Variants in ERBB4 observed in about 807,000 individuals in gnomAD.
ERBB4 encodes the protein receptor tyrosine-protein kinase erbB-4.
Under a neutral mutation model 158.0 loss-of-function variants are expected in ERBB4, and 42 were observed. The observed-to-expected ratio is 0.27, with a 90% confidence interval of 0.21 to 0.34. ERBB4 has a LOEUF of 0.34. Ranked by LOEUF, ERBB4 falls within the 10% of genes least tolerant of loss-of-function variation. ERBB4 has a pLI of 1.00. For synonymous variants in ERBB4, 583 were observed against 558.7 expected, an observed-to-expected ratio of 1.04 and a Z score of -0.61; for missense variants, 1,333 against 1,624.1, an observed-to-expected ratio of 0.82 and a Z score of 3.08.
At chr2:211,952,839 T>A (rs1304962728) in intron 2 of ERBB4, among the ~76,000 whole-genome samples, 1 of 151,956 alleles carries the variant, frequency 6.6e-6, no homozygotes, top group Non-Finnish European at 1.5e-5. Context: ...TCTCTGATAA[T>A]AGCCAGGCAG....
At chr2:211,688,978 G>T (rs2371279) in intron 12 of ERBB4, among the ~76,000 whole-genome samples, 42,325 of 151,878 alleles carry the variant, frequency 0.28, 7,476 homozygotes, top group East Asian at 0.9. Context: ...TTATTAAAAT[G>T]AAATATCATA....
intron 16 of ERBB4, among the ~76,000 whole-genome samples, chr2:211,639,720 G>T (rs539671823): frequency 1.3e-5 from 2 of 152,002 alleles, no homozygotes; most frequent in South Asian, 4.1e-4. Context: ...ATTTTCAGAG[G>T]GTTTGCAAAC....
At chr2:211,710,770 C>T (rs1232582709) in intron 9 of ERBB4, among the ~76,000 whole-genome samples, 1 of 152,088 alleles carries the variant, frequency 6.6e-6, no homozygotes, top group Non-Finnish European at 1.5e-5. Flanking sequence ...TTTCCCTACA[C>T]AAACTGTCTC....
chr2:212,314,801 A>T (rs1346628119), intron 1 of ERBB4, among the ~76,000 whole-genome samples: 1 of 151,192 alleles, frequency 6.6e-6, no homozygotes, highest in Non-Finnish European at 1.5e-5. Flanking sequence ...TTCATTTACT[A>T]TTCTACTCTT....
intron 19 of ERBB4, among the ~76,000 whole-genome samples, chr2:211,593,196 G>A (rs759586945): frequency 6.6e-5 from 10 of 152,100 alleles, no homozygotes; most frequent in Non-Finnish European, 1.0e-4. Context: ...AGTTACTGAC[G>A]ATGGAACAAG....
chr2:211,885,117 T>G (rs954890866), intron 3 of ERBB4, among the ~76,000 whole-genome samples: 1 of 152,166 alleles, frequency 6.6e-6, no homozygotes, highest in Non-Finnish European at 1.5e-5. Context: ...ATATTTAAAA[T>G]TAAAACTTTT....
rs1679208305 is a variant in ERBB4 at position 211,383,684 on chromosome 2, A to T, written c.3858T>A (p.Ser1286=). 6.2e-7 allele frequency: 1 copy of T among 1,614,072 alleles called. No individual in the cohort carries two copies. Among genetic ancestry groups the T allele is most frequent in the Admixed American group, 1.7e-5 (1 of 60,020 alleles). The change falls in exon 28 of 28, where the codon TCT becomes TCA. Residue 1286 remains serine (S), a synonymous_variant. Transcript: ENST00000342788. ...CAGTGCCTGGCTTCAGGGAGAACTC[A>T]GAGAGGTATTCAGGATTCTCTGCCA... ...PIVAENPEYL[S]EFSLKPGTVL...
chr2:212,396,786 G>A (rs2091038106), intron 1 of ERBB4, among the ~76,000 whole-genome samples: 1 of 152,018 alleles, frequency 6.6e-6, no homozygotes, highest in South Asian at 2.1e-4. Flanking sequence ...CTTAAAAGAA[G>A]TTCTTTAAAC....
At chr2:212,021,009 G>A (rs556701693) in intron 2 of ERBB4, among the ~76,000 whole-genome samples, 1 of 152,086 alleles carries the variant, frequency 6.6e-6, no homozygotes, top group Non-Finnish European at 1.5e-5. Flanking sequence ...AGAATAGACA[G>A]ATCCATATAC....
chr2:212,538,489 G>A lies in ERBB4; in HGVS notation c.42C>T (p.Leu14=), dbSNP rs757202950. 3.7e-6 allele frequency: 6 copies of A among 1,614,088 alleles called. No homozygotes were observed. In the Admixed American group the frequency reaches 8.3e-5, roughly 22 times the overall value. ...TGGGCTGGACGGTCCCCGCCGCCACGAGAAGGCTCACCCAGACCCAAAGTC... is the reference window on the plus strand; with the variant it reads ...TGGGCTGGACGGTCCCCGCCGCCACAAGAAGGCTCACCCAGACCCAAAGTC... ...ATGLWVWVSL[L]VAAGTVQPSD... The change falls in exon 1 of 28, where the codon CTC becomes CTT. Residue 14 remains leucine (L), a synonymous_variant. Coordinates refer to ENST00000342788, the MANE Select transcript of ERBB4 (RefSeq NM_005235.3).
chr2:211,952,198 A>T (rs921751646), intron 2 of ERBB4, among the ~76,000 whole-genome samples: 3 of 152,082 alleles, frequency 2.0e-5, no homozygotes, highest in Non-Finnish European at 2.9e-5. Context: ...ACATTCTCTC[A>T]GGTATTCCTA....
intron 1 of ERBB4, among the ~76,000 whole-genome samples, chr2:212,245,908 G>A (rs2084290744): frequency 1.3e-5 from 2 of 152,130 alleles, no homozygotes; most frequent in South Asian, 4.1e-4. Context: ...CAGGGATAAT[G>A]TATTTTAAAT....
At chr2:211,755,732 T>G (rs2075274874) in intron 4 of ERBB4, among the ~76,000 whole-genome samples, 1 of 152,220 alleles carries the variant, frequency 6.6e-6, no homozygotes, top group Admixed American at 6.5e-5. Flanking sequence ...GCATTTATGT[T>G]TTTAAGAGTC....
chr2:212,290,592 C>T (rs2086168314), intron 1 of ERBB4, among the ~76,000 whole-genome samples: 1 of 152,044 alleles, frequency 6.6e-6, no homozygotes, highest in South Asian at 2.1e-4. Context: ...TTTTCTAGTG[C>T]AATGCATTTT....
At chr2:211,660,235 T>C (rs969805411) in intron 15 of ERBB4, among the ~76,000 whole-genome samples, 12 of 152,200 alleles carry the variant, frequency 7.9e-5, no homozygotes, top group African/African-American at 2.9e-4. Flanking sequence ...GTATTTTCAG[T>C]AAATCTCCTA....
chr2:211,691,123 T>C (rs1349539660), intron 12 of ERBB4, among the ~76,000 whole-genome samples: 3 of 152,070 alleles, frequency 2.0e-5, no homozygotes, highest in Non-Finnish European at 4.4e-5. Context: ...ATTGTTCATC[T>C]TTTTTTTAAA....
intron 1 of ERBB4, among the ~76,000 whole-genome samples, chr2:212,494,062 T>C (rs1399209687): frequency 1.3e-5 from 2 of 151,900 alleles, no homozygotes; most frequent in Non-Finnish European, 2.9e-5. Flanking sequence ...CCAGTATAAC[T>C]ATTATATGTA....
intron 12 of ERBB4, among the ~76,000 whole-genome samples, chr2:211,690,924 A>G (rs1386903791): frequency 6.6e-6 from 1 of 152,154 alleles, no homozygotes; most frequent in Non-Finnish European, 1.5e-5. Context: ...TCTTTATCTC[A>G]TCTGAATTCC....
At chr2:211,551,002 G>T (rs1347242752) in intron 20 of ERBB4, among the ~76,000 whole-genome samples, 1 of 151,322 alleles carries the variant, frequency 6.6e-6, no homozygotes, top group Non-Finnish European at 1.5e-5. Context: ...GTGCAGTGGT[G>T]CAATCACACA....
Sources: allele counts gnomAD v4.1 joint callset (sites outside exome capture counted in the v4.1 genomes callset), GRCh38; gene constraint gnomAD v4.1.1; transcripts MANE v1.5; gene names NCBI Gene and HGNC (gene_info 2026-07-23, HGNC 2026-07-21).